The following KDM4C variants were observed in gnomAD, a reference collection of about 807,000 sequenced individuals.
The protein encoded by KDM4C is lysine-specific demethylase 4C.
A neutral mutation model predicts 129.3 loss-of-function variants in KDM4C; 81 were observed. The ratio of observed to expected loss-of-function variants is 0.63; its 90% confidence interval spans 0.52 to 0.75. The LOEUF (loss-of-function observed/expected upper bound fraction) is 0.75. Ranked by LOEUF, KDM4C falls within the 30% of genes least tolerant of loss-of-function variation. The pLI is 0.00. For missense variants in KDM4C, 1,457 were observed against 1,304.0 expected, an observed-to-expected ratio of 1.12 and a Z score of -1.81; for synonymous variants, 573 against 456.1, an observed-to-expected ratio of 1.26 and a Z score of -3.26.
At position 7,044,132 on chromosome 9, in the gene KDM4C, G is replaced by C. The variant is rs76824321; in HGVS notation, c.2260-2730G>C. Among the ~76,000 whole-genome samples, 1,422 of 152,140 alleles carry C rather than the reference G, an allele frequency of 9.3e-3. 17 individuals carry two copies. The highest frequency in any genetic ancestry group is 0.017 in the Admixed American group (266 of 15,272). ...TAAAGCTAATAAAAGGGGAGTATCA[G>C]TGAAAGTGTCAGTGGGAATGCCTGA... On this transcript the variant is annotated intron_variant, in intron 15 of 21. Coordinates refer to ENST00000381309, the MANE Select transcript of KDM4C (RefSeq NM_015061.6).
intron 15 of KDM4C, among the ~76,000 whole-genome samples, chr9:7,032,028 C>A (rs1487633073): frequency 6.6e-6 from 1 of 152,180 alleles, no homozygotes; most frequent in Non-Finnish European, 1.5e-5. Context: ...AAAGACAATT[C>A]ATGTCTTAGA....
intron 17 of KDM4C, chr9:7,077,409 C>G (rs1251442430): frequency 1.1e-5 from 2 of 181,952 alleles, no homozygotes; most frequent in African/African-American, 2.4e-5. Context: ...TATCTGTAAG[C>G]TATACTAATG....
chr9:6,892,720 T>C (rs1846277878), intron 7 of KDM4C, among the ~76,000 whole-genome samples: 2 of 152,208 alleles, frequency 1.3e-5, no homozygotes, highest in South Asian at 4.1e-4. Context: ...ATGTCAGTTA[T>C]TATATGATTT....
At chr9:6,730,747 G>A (rs928427592) in intron 1 of KDM4C, among the ~76,000 whole-genome samples, 2 of 152,092 alleles carry the variant, frequency 1.3e-5, no homozygotes, top group East Asian at 1.9e-4. Flanking sequence ...CAAATTTACA[G>A]ACAAAAAAGA....
At chr9:6,740,113 C>T (rs1563920209) in intron 1 of KDM4C, among the ~76,000 whole-genome samples, 1 of 152,062 alleles carries the variant, frequency 6.6e-6, no homozygotes, top group African/African-American at 2.4e-5. Flanking sequence ...TGGCCTCGAT[C>T]TCTTGACCTC....
At chr9:6,968,758 C>G (rs753820088) in intron 8 of KDM4C, among the ~76,000 whole-genome samples, 1 of 151,922 alleles carries the variant, frequency 6.6e-6, no homozygotes, top group Non-Finnish European at 1.5e-5. Flanking sequence ...AATTTTATAT[C>G]TCTGTGGTTA....
intron 1 of KDM4C, among the ~76,000 whole-genome samples, chr9:6,768,723 T>A (rs1030810755): frequency 1.3e-5 from 2 of 152,140 alleles, no homozygotes; most frequent in African/African-American, 4.8e-5. Flanking sequence ...TGATTTTTTT[T>A]TCCTTGATCT....
chr9:6,744,299 G>A lies in KDM4C; in HGVS notation c.49+23302G>A, dbSNP rs548707044. ...CCAGCACTTTGGGAGGCTGAGACGG[G>A]CAGATCACGAGGTTAAGAGATTGAG... On this transcript the variant is annotated intron_variant, in intron 1 of 17. Transcript: ENST00000536108. Among the ~76,000 whole-genome samples the A allele has an allele frequency of 6.6e-4, 101 of 152,244 alleles. 1 individual carries two copies. The Middle Eastern group carries it at 0.01, about 15-fold the overall frequency.
Position 6,757,993 on chromosome 9 carries a change from C to T in KDM4C, c.-228C>T, listed in dbSNP as rs1410884572. 2.0e-6 allele frequency: 2 copies of T among 985,372 alleles called. No individual in the cohort carries two copies. Among genetic ancestry groups the T allele is most frequent in the Non-Finnish European group, 2.4e-6 (2 of 829,910 alleles). The allele number at this position is 985,372 out of a possible 1,614,324, so 61.0% of individuals were successfully genotyped here. ...CAGGGAGAGCCGGCGGTGCGCGCGC[C>T]TTCGCCGCTGCCTCCCACCCACCCC... is the stretch of plus-strand genomic sequence containing the variant. On this transcript the variant is annotated 5_prime_UTR_variant, in exon 1 of 22. Transcript: ENST00000381309.
intron 17 of KDM4C, among the ~76,000 whole-genome samples, chr9:7,063,884 A>G (rs1166249626): frequency 1.3e-5 from 2 of 152,196 alleles, no homozygotes; most frequent in Non-Finnish European, 2.9e-5. Context: ...AAATTTCAGT[A>G]GAGCTGGAGC....
rs1049218394 is a variant in KDM4C, at chr9:7,172,706, C to T, written c.2995-1847C>T. On this transcript the variant is annotated intron_variant, in intron 21 of 21. Coordinates refer to ENST00000381309, the MANE Select transcript of KDM4C (RefSeq NM_015061.6). ...CTGGCTGGAAACATGAACAGCTTTACGCTTCGGTACATTTTTTGTTTTCAG... is the reference window on the plus strand; with the variant it reads ...CTGGCTGGAAACATGAACAGCTTTATGCTTCGGTACATTTTTTGTTTTCAG... Among the ~76,000 whole-genome samples the T allele has an allele frequency of 1.4e-4, 21 of 152,332 alleles. 1 individual carries two copies. The highest frequency in any genetic ancestry group is 9.1e-4 in the Admixed American group (14 of 15,302).
intron 17 of KDM4C, among the ~76,000 whole-genome samples, chr9:7,053,310 G>C (rs1830461106): frequency 1.3e-5 from 2 of 152,182 alleles, no homozygotes; most frequent in South Asian, 4.1e-4. Flanking sequence ...AAGCTCCTCT[G>C]GTAAATTATT....
intron 5 of KDM4C, among the ~76,000 whole-genome samples, chr9:6,861,944 G>A (rs1010506260): frequency 6.6e-6 from 1 of 151,714 alleles, no homozygotes; most frequent in African/African-American, 2.4e-5. Context: ...GCTAATTTTT[G>A]TATTTTTAGT....
intron 8 of KDM4C, among the ~76,000 whole-genome samples, chr9:6,948,503 AATTG>A (rs1208002087): frequency 2.9e-5 from 2 of 69,926 alleles, no homozygotes; most frequent in Admixed American, 2.6e-4. Context: ...TTTTTTTTTT[AATTG>A]ATCATTCTTG....
At chr9:6,858,646 G>A (rs529646902) in intron 5 of KDM4C, among the ~76,000 whole-genome samples, 65 of 152,056 alleles carry the variant, frequency 4.3e-4, no homozygotes, top group African/African-American at 9.6e-4. Context: ...GGTGACGTGC[G>A]CCTGTAATCC....
At chr9:6,759,275 T>A (rs1227378099) in intron 1 of KDM4C, among the ~76,000 whole-genome samples, 1 of 152,142 alleles carries the variant, frequency 6.6e-6, no homozygotes, top group Non-Finnish European at 1.5e-5. Context: ...TTGCGGTATT[T>A]AAAAAAATGT....
chr9:7,060,575 G>A (rs1287739261), intron 17 of KDM4C, among the ~76,000 whole-genome samples: 6 of 151,552 alleles, frequency 4.0e-5, no homozygotes, highest in South Asian at 2.1e-4. Flanking sequence ...TCCGCGTCCC[G>A]GGTTCAAGTG....
chr9:7,085,424 G>A (rs960966029), intron 17 of KDM4C, among the ~76,000 whole-genome samples: 6 of 152,208 alleles, frequency 3.9e-5, no homozygotes, highest in Admixed American at 3.9e-4. Flanking sequence ...ATTGTTTAGA[G>A]AGAACTATGA....
rs757326745 is a variant in KDM4C, at chr9:7,049,141, A to G, written c.2365A>G (p.Asn789Asp). ...AVAVPEVRFT[N>D]VPERTQIDVG... is the part of the protein sequence containing the mutation. ...TGCGGTCCCAGAAGTTCGATTCACT[A>G]ATGTCCCAGAAAGGACACAAATAGA... is the stretch of plus-strand genomic sequence containing the variant. The change falls in exon 17 of 22, where the codon AAT (asparagine) becomes GAT (aspartate). Residue 789 changes from asparagine (N) to aspartate (D), a missense_variant. Coordinates refer to ENST00000381309, the MANE Select transcript of KDM4C (RefSeq NM_015061.6). 4 of 1,612,602 alleles carry G rather than the reference A, an allele frequency of 2.5e-6. No homozygotes were observed. Among genetic ancestry groups the G allele is most frequent in the Non-Finnish European group, 3.4e-6 (4 of 1,178,946 alleles).
Sources: gnomAD v4.1 joint callset for allele counts (sites outside exome capture counted in the v4.1 genomes callset) on GRCh38, gnomAD v4.1.1 for gene constraint, MANE v1.5 for transcripts, NCBI Gene and HGNC (gene_info 2026-07-23, HGNC 2026-07-21) for gene names.